Variants in PRICKLE2 observed in about 807,000 individuals in gnomAD.
PRICKLE2 encodes prickle planar cell polarity protein 2, also known as prickle-like protein 2.
A neutral mutation model predicts 81.4 loss-of-function variants in PRICKLE2; 21 were observed. The observed-to-expected ratio is 0.26, with a 90% CI of 0.18 to 0.37. The LOEUF (loss-of-function observed/expected upper bound fraction) is 0.37. Ranked by LOEUF, PRICKLE2 falls within the 10% of genes least tolerant of loss-of-function variation. The pLI is 1.00. For missense variants in PRICKLE2, 940 were observed against 1,109.0 expected (o/e 0.85, Z 2.16); for synonymous variants, 456 against 421.5 (o/e 1.08, Z -1.00).
chr3:64,178,963 TTTTC>T (rs373261746), intron 2 of PRICKLE2, among the ~76,000 whole-genome samples: 21,919 of 110,910 alleles, frequency 0.2, 1,567 homozygotes, highest in Non-Finnish European at 0.2. Context: ...AACATACATA[TTTTC>T]TTTCTTTCTT....
intron 7 of PRICKLE2, among the ~76,000 whole-genome samples, chr3:64,109,311 C>A (rs973552588): frequency 1.3e-5 from 2 of 152,204 alleles, no homozygotes; most frequent in African/African-American, 4.8e-5. Flanking sequence ...CTATCAAGAA[C>A]TCCCCAGTTA....
At chr3:64,218,147 C>G (rs1385541320) in intron 1 of PRICKLE2, among the ~76,000 whole-genome samples, 1 of 152,106 alleles carries the variant, frequency 6.6e-6, no homozygotes, top group Non-Finnish European at 1.5e-5. Context: ...TAACCAGAAC[C>G]CCTCATTCCC....
chr3:64,191,195 C>G (rs2078327166), intron 2 of PRICKLE2, among the ~76,000 whole-genome samples: 1 of 152,186 alleles, frequency 6.6e-6, no homozygotes, highest in Admixed American at 6.5e-5. Flanking sequence ...TTGCTACAAA[C>G]CCTATGCTTA....
Position 64,245,825 on chromosome 3 carries a change from G to A in PRICKLE2, c.129-46858C>T, listed in dbSNP as rs189707775. ...AAGAAGGCAGGAGTGAAAGGACCAGGTGTCTGAATAACCATGTGTGCTCTC... is the reference window on the plus strand; with the variant it reads ...AAGAAGGCAGGAGTGAAAGGACCAGATGTCTGAATAACCATGTGTGCTCTC... On this transcript the variant is annotated intron_variant, in intron 2 of 8. Transcript: ENST00000295902. Among the ~76,000 whole-genome samples, 88 of 152,312 alleles carry A rather than the reference G, an allele frequency of 5.8e-4. 1 individual carries two copies. Among genetic ancestry groups the A allele is most frequent in the Non-Finnish European group, 9.6e-4 (65 of 68,024 alleles).
rs1262461948 is a variant in PRICKLE2 at position 64,099,402 on chromosome 3, G to T, written c.2184C>A (p.Arg728=). 3 of 1,600,132 alleles carry T rather than the reference G, an allele frequency of 1.9e-6. No individual in the cohort carries two copies. The highest frequency in any genetic ancestry group is 2.6e-6 in the Non-Finnish European group (3 of 1,170,520). Residue 728 remains arginine (R), a synonymous_variant, in exon 8 of 8, where the codon CGC becomes CGA. Transcript: ENST00000638394. The surrounding 1 kb of genome is among the most constrained non-coding windows in gnomAD (Gnocchi z 4.3). ...CCATGCTCTCCTGGAAGCTCCGCTG[G>T]CGCATAAATTGGTCATAGTCCTCCC... ...RAREDYDQFM[R]QRSFQESMGH... is the part of the protein sequence containing the mutation.
intron 7 of PRICKLE2, among the ~76,000 whole-genome samples, chr3:64,115,914 C>T (rs2076927264): frequency 6.6e-6 from 1 of 152,134 alleles, no homozygotes; most frequent in Admixed American, 6.5e-5. Flanking sequence ...CACCACATGG[C>T]ATATATTCTA....
At chr3:64,230,468 C>T (rs527521344) in intron 2 of PRICKLE2, among the ~76,000 whole-genome samples, 7 of 152,218 alleles carry the variant, frequency 4.6e-5, no homozygotes, top group South Asian at 4.1e-4. Flanking sequence ...AGGCAACCCA[C>T]GTAACCATAA....
At chr3:64,157,022 G>A in intron 5 of PRICKLE2, 140 bp downstream of exon 5, 1 of 787,952 alleles carries the variant, frequency 1.3e-6, no homozygotes, top group Non-Finnish European at 2.2e-6. Flanking sequence ...GATGGGTGGG[G>A]CTTCTCTCCC....
At chr3:64,158,522 G>T (rs941363218) in intron 4 of PRICKLE2, among the ~76,000 whole-genome samples, 2 of 152,186 alleles carry the variant, frequency 1.3e-5, no homozygotes, top group Non-Finnish European at 2.9e-5. Flanking sequence ...GAAGAAACAT[G>T]AGTCAAACTT....
rs1256565263 is a variant in PRICKLE2 at position 64,160,065 on chromosome 3, T to G, written c.271A>C (p.Asn91His). 30 of 1,614,000 alleles carry G rather than the reference T, an allele frequency of 1.9e-5. No individual in the cohort carries two copies. The highest frequency in any genetic ancestry group is 2.7e-5 in the African/African-American group (2 of 74,914). The change falls in exon 4 of 8, where the codon AAC becomes CAC. Residue 91 changes from asparagine to histidine, a missense_variant. Transcript: ENST00000638394. ...CTCTTCTCTTCCTCATCCAGGGAGT[T>G]GCAATATCGAACCTGAATAGACACA... ...PPHDNEVRYC[N>H]SLDEEEKREL...
At chr3:64,229,806 T>G (rs1339457816), upstream of PRICKLE2, among the ~76,000 whole-genome samples, 2 of 152,226 alleles carry the variant, frequency 1.3e-5, no homozygotes, top group East Asian at 3.8e-4. Flanking sequence ...ATATTTAGAT[T>G]TCAAAGTCTA....
At chr3:64,267,263 C>T (rs965084495) in intron 2 of PRICKLE2, among the ~76,000 whole-genome samples, 8 of 152,114 alleles carry the variant, frequency 5.3e-5, no homozygotes, top group Non-Finnish European at 1.2e-4. Flanking sequence ...CTAGGAAGGG[C>T]TAGGAGAAGG....
chr3:64,117,235 G>A (rs1457546095), intron 7 of PRICKLE2, among the ~76,000 whole-genome samples: 1 of 152,078 alleles, frequency 6.6e-6, no homozygotes, highest in African/African-American at 2.4e-5. Context: ...CAAACCCATA[G>A]CCACCACCAT....
chr3:64,142,007 G>A (rs1349808092), intron 7 of PRICKLE2: 1 of 901,922 alleles, frequency 1.1e-6, no homozygotes, highest in South Asian at 5.1e-5. Context: ...AAAAACTACT[G>A]AATTTTCTAG....
At chr3:64,192,883 G>A (rs908680324) in intron 2 of PRICKLE2, among the ~76,000 whole-genome samples, 6 of 152,182 alleles carry the variant, frequency 3.9e-5, no homozygotes, top group Non-Finnish European at 7.3e-5. Flanking sequence ...ACACTTGGGA[G>A]CATCCAAAAC....
At position 64,146,996 on chromosome 3, in the gene PRICKLE2, G is replaced by A. The variant is rs984879908; in HGVS notation, c.1494C>T (p.Ile498=). The A allele has an allele frequency of 6.2e-7, 1 of 1,613,990 alleles. No individual in the cohort carries two copies. Among genetic ancestry groups the A allele is most frequent in the African/African-American group, 1.3e-5 (1 of 74,900 alleles). ...CTTCCTCCTCATATTTGGGGACTTG[G>A]ATGCTGCCTCGGGTCTCACTGAAAC... is the stretch of plus-strand genomic sequence containing the variant. ...SQSFSETRGS[I]QVPKYEEEEE... The change falls in exon 7 of 8, where the codon ATC becomes ATT. Residue 498 remains isoleucine, a synonymous_variant. Coordinates refer to ENST00000638394, the MANE Select transcript of PRICKLE2 (RefSeq NM_198859.4).
intron 2 of PRICKLE2, 77 bp downstream of exon 2, chr3:64,198,707 A>G: frequency 6.8e-7 from 1 of 1,461,540 alleles, no homozygotes; most frequent in Non-Finnish European, 9.6e-7. Flanking sequence ...CTCTTCCTAC[A>G]GAACTGGAAT....
At chr3:64,178,985 TTCTTTCTTTCTTTC>T (rs1559559437) in intron 2 of PRICKLE2, among the ~76,000 whole-genome samples, 1 of 142,516 alleles carries the variant, frequency 7.0e-6, no homozygotes, top group Non-Finnish European at 1.5e-5. Flanking sequence ...CTTTCTTTCT[TTCTTTCTTTCTTTC>T]TTTCTTTCTT....
chr3:64,104,514 A>G (rs2106943407), intron 7 of PRICKLE2: 1 of 152,346 alleles, frequency 6.6e-6, no homozygotes, highest in Admixed American at 6.5e-5. Context: ...TTTTGAGAGC[A>G]TCCTGCTTGT....
Sources: gnomAD v4.1 joint callset for allele counts (sites outside exome capture counted in the v4.1 genomes callset) on GRCh38, gnomAD v4.1.1 for gene constraint, Gnocchi (gnomAD v3.1) non-coding constraint, MANE v1.5 for transcripts, NCBI Gene and HGNC (gene_info 2026-07-23, HGNC 2026-07-21) for gene names.